Variants in ROR1 observed in about 807,000 individuals in gnomAD.
The protein encoded by ROR1 is inactive tyrosine-protein kinase transmembrane receptor ROR1.
Under a neutral mutation model 78.8 loss-of-function variants are expected in ROR1, and 19 were observed. That is an observed-to-expected ratio of 0.24 (90% confidence interval 0.17 to 0.35). The LOEUF is 0.35. ROR1 is among the 10% of genes least tolerant of loss of function. The probability of loss-of-function intolerance (pLI) is 1.00; values close to 1 mark genes in which losing one functional copy is unlikely to be tolerated. For missense variants in ROR1, 917 were observed against 1,177.8 expected (o/e 0.78, Z 3.24); for synonymous variants, 386 against 433.6 (o/e 0.89, Z 1.36).
chr1:64,116,112 C>T (rs1208015047), intron 4 of ROR1, among the ~76,000 whole-genome samples: 2 of 152,152 alleles, frequency 1.3e-5, no homozygotes, highest in East Asian at 1.9e-4. Context: ...GGAAGTTTCT[C>T]GTGAACTCTT....
chr1:64,090,431 TA>T (rs1181272710), intron 4 of ROR1, among the ~76,000 whole-genome samples: 1 of 152,174 alleles, frequency 6.6e-6, no homozygotes, highest in South Asian at 2.1e-4. Context: ...GCCTTAATTG[TA>T]AAAAAACTCT....
chr1:64,015,554 C>T (rs1219471392), intron 2 of ROR1, among the ~76,000 whole-genome samples: 3 of 152,116 alleles, frequency 2.0e-5, no homozygotes, highest in African/African-American at 7.2e-5. Flanking sequence ...TATTGACTGG[C>T]CTATAGCTTA....
intron 1 of ROR1, among the ~76,000 whole-genome samples, chr1:63,907,735 G>A (rs1645540120): frequency 1.3e-5 from 2 of 152,156 alleles, no homozygotes; most frequent in Non-Finnish European, 2.9e-5. Flanking sequence ...ACTAGAACTT[G>A]AAACACTTCT....
In ROR1 at chr1:63,774,428, C is replaced by T; in HGVS notation, c.11C>T (p.Pro4Leu). ...TCAGCGAGAGGAGGAATGCACCGGCCGCGCCGCCGCGGGACGCGCCCGCCG... is the reference window on the plus strand; with the variant it reads ...TCAGCGAGAGGAGGAATGCACCGGCTGCGCCGCCGCGGGACGCGCCCGCCG... Reference protein sequence around the residue: MHRPRRRGTRPPLL... With the variant: MHRLRRRGTRPPLL... Residue 4 changes from proline to leucine, a missense_variant, in exon 1 of 9, where the codon CCG becomes CTG. Around this residue, in one of 3 missense-constraint regions of ROR1, gnomAD observed 63 missense variants for 57.0 expected, o/e 1.10. Coordinates refer to ENST00000371079, the MANE Select transcript of ROR1 (RefSeq NM_005012.4). This position sits in a 1 kb window ranked among gnomAD's most constrained non-coding sequence, Gnocchi z 5.7. 2 of 1,177,422 alleles carry T rather than the reference C, an allele frequency of 1.7e-6. No homozygotes were observed. The highest frequency in any genetic ancestry group is 2.1e-6 in the Non-Finnish European group (2 of 957,838). 72.9% of individuals were successfully genotyped at this position (1,177,422 alleles called of 1,614,324 possible).
chr1:64,084,034 A>T (rs1293103219), intron 4 of ROR1, among the ~76,000 whole-genome samples: 1 of 152,254 alleles, frequency 6.6e-6, no homozygotes, highest in Admixed American at 6.5e-5. Context: ...CATTTCTCTT[A>T]CATCTTGAAT....
chr1:63,809,748 A>G (rs1018581439), intron 1 of ROR1, among the ~76,000 whole-genome samples: 8 of 152,348 alleles, frequency 5.3e-5, no homozygotes, highest in Non-Finnish European at 8.8e-5. Flanking sequence ...TCCTGAAAAT[A>G]TCTGTGTCAG....
intron 1 of ROR1, among the ~76,000 whole-genome samples, chr1:63,990,496 G>GGATGTTTCT (rs11283333): frequency 0.77 from 116,856 of 151,550 alleles, 45,588 homozygotes; most frequent in East Asian, 0.94. Context: ...AAAGAATTCT[G>GGATGTTTCT]GATTTACATG....
intron 1 of ROR1, among the ~76,000 whole-genome samples, chr1:63,778,052 G>A (rs1644628166): frequency 6.6e-6 from 1 of 152,168 alleles, no homozygotes; most frequent in Admixed American, 6.5e-5. Flanking sequence ...AAGCTAAATG[G>A]TTACAAGCAC....
chr1:63,946,328 A>G (rs1645888967), intron 1 of ROR1, among the ~76,000 whole-genome samples: 1 of 152,160 alleles, frequency 6.6e-6, no homozygotes, highest in South Asian at 2.1e-4. Flanking sequence ...AGATATAACT[A>G]TCTCTGAAAA....
intron 4 of ROR1, among the ~76,000 whole-genome samples, chr1:64,063,903 C>T (rs1277983467): frequency 6.6e-6 from 1 of 152,168 alleles, no homozygotes; most frequent in Non-Finnish European, 1.5e-5. Flanking sequence ...AGGACCCTCT[C>T]CCATCCCCCT....
At chr1:63,924,659 A>C (rs1391981745) in intron 1 of ROR1, among the ~76,000 whole-genome samples, 2 of 152,184 alleles carry the variant, frequency 1.3e-5, no homozygotes, top group East Asian at 3.9e-4. Context: ...TAACCATGAA[A>C]GACCTGGCTC....
At chr1:63,815,391 G>A (rs1322992561) in intron 1 of ROR1, among the ~76,000 whole-genome samples, 4 of 150,888 alleles carry the variant, frequency 2.7e-5, no homozygotes, top group South Asian at 2.1e-4. Flanking sequence ...TCTGGGTGGT[G>A]GACTATAATT....
chr1:64,140,485 G>A, intron 6 of ROR1, 59 bp downstream of exon 6: 1 of 1,498,690 alleles, frequency 6.7e-7, no homozygotes, highest in Non-Finnish European at 9.2e-7. Context: ...TGTTGGCACA[G>A]GGAAAACTGG....
chr1:63,844,991 C>T (rs1187156818), intron 1 of ROR1, among the ~76,000 whole-genome samples: 1 of 152,132 alleles, frequency 6.6e-6, no homozygotes, highest in African/African-American at 2.4e-5. Flanking sequence ...TTGTCCTCAG[C>T]CTGGCTCAAA....
At chr1:63,898,134 C>T (rs535734855) in intron 1 of ROR1, among the ~76,000 whole-genome samples, 2 of 152,268 alleles carry the variant, frequency 1.3e-5, no homozygotes, top group Non-Finnish European at 2.9e-5. Context: ...AAGGAGTGCA[C>T]AAATCTTTGA....
chr1:64,129,288 CT>C (rs1648829767), intron 4 of ROR1, among the ~76,000 whole-genome samples: 1 of 152,132 alleles, frequency 6.6e-6, no homozygotes, highest in South Asian at 2.1e-4. Flanking sequence ...TTCCACAAAC[CT>C]TCTCTTTTTC....
At chr1:63,838,458 A>G (rs543445244) in intron 1 of ROR1, among the ~76,000 whole-genome samples, 38 of 152,182 alleles carry the variant, frequency 2.5e-4, no homozygotes, top group African/African-American at 9.1e-4. Context: ...GCCTAGGCTA[A>G]TGTGTGTGTT....
chr1:64,096,140 C>G (rs576145049), intron 4 of ROR1, among the ~76,000 whole-genome samples: 1 of 152,108 alleles, frequency 6.6e-6, no homozygotes, highest in Non-Finnish European at 1.5e-5. Context: ...CATGAGATAC[C>G]ATCTGATTTG....
intron 4 of ROR1, among the ~76,000 whole-genome samples, chr1:64,128,029 G>C (rs1009037637): frequency 6.6e-6 from 1 of 152,108 alleles, no homozygotes; most frequent in African/African-American, 2.4e-5. Context: ...CAGGTGGTGG[G>C]ACCTGAGCCA....
Sources: gnomAD v4.1 joint callset for allele counts (sites outside exome capture counted in the v4.1 genomes callset) on GRCh38, gnomAD v4.1.1 for gene constraint, gnomAD v4.1.1 regional missense constraint, Gnocchi (gnomAD v3.1) non-coding constraint, MANE v1.5 for transcripts, NCBI Gene and HGNC (gene_info 2026-07-23, HGNC 2026-07-21) for gene names.